The following SEMA5B variants were observed in gnomAD, a reference collection of about 807,000 sequenced individuals.
SEMA5B encodes the protein semaphorin-5B.
SEMA5B carries 66 observed loss-of-function variants against 135.0 expected under a neutral mutation model. That is an observed-to-expected ratio of 0.49 (90% CI 0.40 to 0.60). The LOEUF (loss-of-function observed/expected upper bound fraction) is 0.60. SEMA5B is among the 20% of genes least tolerant of loss of function. SEMA5B has a pLI of 0.00. For missense variants in SEMA5B, 1,501 were observed against 1,566.3 expected (o/e 0.96, Z 0.70); for synonymous variants, 690 against 639.5 (o/e 1.08, Z -1.19).
chr3:123,001,201 T>G (rs1942167004), intron 1 of SEMA5B, among the ~76,000 whole-genome samples: 1 of 152,132 alleles, frequency 6.6e-6, no homozygotes, highest in Non-Finnish European at 1.5e-5. Flanking sequence ...CAGGGGAGTC[T>G]GAATGTGGGA....
In SEMA5B at chr3:122,923,656, A is replaced by T. The variant is rs913152595; in HGVS notation, c.1233T>A (p.Ala411=). 3 of 1,614,118 alleles carry T rather than the reference A, an allele frequency of 1.9e-6. No individual in the cohort carries two copies. The highest frequency in any genetic ancestry group is 2.5e-6 in the Non-Finnish European group (3 of 1,179,960). ...GPFRYQENPR[A]AWLPIANPIP... Reference sequence around the variant, plus strand: ...TGGGGTTGGCTATGGGGAGCCAGGCAGCCCTGGGGTTCTCCTGGTAGCGAA... The same window carrying T: ...TGGGGTTGGCTATGGGGAGCCAGGCTGCCCTGGGGTTCTCCTGGTAGCGAA... The change falls in exon 10 of 23, where the codon GCT becomes GCA. Residue 411 remains alanine, a synonymous_variant. Transcript: ENST00000357599.
At chr3:123,022,781 A>C (rs1339328353) in intron 1 of SEMA5B, among the ~76,000 whole-genome samples, 1 of 152,252 alleles carries the variant, frequency 6.6e-6, no homozygotes, top group Admixed American at 6.5e-5. Context: ...TTCATCTCTC[A>C]TGCTCACTAA....
At chr3:123,001,743 A>G (rs1018318556) in intron 1 of SEMA5B, among the ~76,000 whole-genome samples, 4 of 152,202 alleles carry the variant, frequency 2.6e-5, no homozygotes, top group Admixed American at 2.0e-4. Flanking sequence ...TAGCCAGGCA[A>G]GGTACTTAGT....
At chr3:122,957,453 C>A (rs569603686) in intron 2 of SEMA5B, among the ~76,000 whole-genome samples, 7 of 152,230 alleles carry the variant, frequency 4.6e-5, no homozygotes, top group African/African-American at 1.7e-4. Flanking sequence ...CAGGCAGGAG[C>A]AGCACGGCCA....
chr3:122,997,870 C>T (rs542633496), intron 1 of SEMA5B, among the ~76,000 whole-genome samples: 21 of 152,306 alleles, frequency 1.4e-4, no homozygotes, highest in African/African-American at 5.1e-4. Context: ...GGCCTCTCTC[C>T]TCGCTGGGTC....
intron 5 of SEMA5B, among the ~76,000 whole-genome samples, chr3:122,935,363 C>A (rs1458225160): frequency 1.3e-5 from 2 of 150,826 alleles, no homozygotes; most frequent in Admixed American, 1.3e-4. Flanking sequence ...TCTGATCACA[C>A]CCCATCAGTG....
intron 1 of SEMA5B, among the ~76,000 whole-genome samples, chr3:123,021,128 A>G (rs1359881813): frequency 6.6e-6 from 1 of 152,240 alleles, no homozygotes. Context: ...CCAAACACTG[A>G]AAGTCCAGGC....
At chr3:122,986,621 G>GTC (rs1941706099) in intron 1 of SEMA5B, among the ~76,000 whole-genome samples, 1 of 151,510 alleles carries the variant, frequency 6.6e-6, no homozygotes, top group Non-Finnish European at 1.5e-5. Context: ...GTGTGTGTGT[G>GTC]TGTGGTGTGT....
chr3:123,009,186 A>T (rs1284072811), intron 1 of SEMA5B, among the ~76,000 whole-genome samples: 2 of 152,028 alleles, frequency 1.3e-5, no homozygotes, highest in Admixed American at 1.3e-4. Context: ...GACTCCTATC[A>T]ATGCACCCAC....
intron 2 of SEMA5B, among the ~76,000 whole-genome samples, chr3:122,954,158 C>T (rs1341622178): frequency 1.3e-5 from 2 of 152,228 alleles, no homozygotes; most frequent in African/African-American, 4.8e-5. Context: ...CTGCTGGCCT[C>T]AAGTAATCCC....
At position 122,943,492 on chromosome 3, in the gene SEMA5B, C is replaced by A. The variant is rs376753328; in HGVS notation, c.372G>T (p.Arg124=). The change falls in exon 4 of 23, where the codon CGG becomes CGT. Residue 124 remains arginine (R), a synonymous_variant. Coordinates refer to ENST00000357599, the MANE Select transcript of SEMA5B (RefSeq NM_001031702.4). ...GGTCCAAAGCCAGCTGGGAGAAATC[C>A]CGGGCTCCAGGGTAGGTGAAGTTAG... ...WVSNFTYPGA[R]DFSQLALDPS... The A allele has an allele frequency of 1.1e-5, 18 of 1,610,304 alleles. No homozygotes were observed. In the African/African-American group the frequency reaches 2.1e-4, roughly 19 times the overall value.
chr3:123,015,638 G>A (rs987300540), intron 1 of SEMA5B, among the ~76,000 whole-genome samples: 3 of 152,314 alleles, frequency 2.0e-5, no homozygotes, highest in South Asian at 4.1e-4. Context: ...CAGCCACAGC[G>A]AGAAGAGATG....
chr3:122,934,401 A>G (rs938818241), intron 5 of SEMA5B, among the ~76,000 whole-genome samples: 2 of 152,216 alleles, frequency 1.3e-5, no homozygotes, highest in African/African-American at 2.4e-5. Flanking sequence ...TGAAGTTTTT[A>G]GCTCTAACAA....
At chr3:123,005,933 C>G (rs1490737396) in intron 1 of SEMA5B, among the ~76,000 whole-genome samples, 1 of 152,238 alleles carries the variant, frequency 6.6e-6, no homozygotes, top group Non-Finnish European at 1.5e-5. Flanking sequence ...AGGCTCTTCT[C>G]ATTCTGGCTT....
chr3:122,927,422 G>A (rs1044810887), intron 8 of SEMA5B, among the ~76,000 whole-genome samples: 2 of 152,116 alleles, frequency 1.3e-5, no homozygotes, highest in Non-Finnish European at 2.9e-5. Context: ...CCAACTCCTG[G>A]CCTCAAGAGA....
intron 2 of SEMA5B, among the ~76,000 whole-genome samples, chr3:122,955,552 C>A (rs1266938300): frequency 1.3e-5 from 2 of 152,196 alleles, no homozygotes; most frequent in African/African-American, 4.8e-5. Flanking sequence ...TCTAACACGT[C>A]TGTCTGATTT....
intron 1 of SEMA5B, among the ~76,000 whole-genome samples, chr3:123,024,441 G>A (rs1379683819): frequency 6.6e-6 from 1 of 152,160 alleles, no homozygotes; most frequent in African/African-American, 2.4e-5. Context: ...AAAAGTTATG[G>A]TTGAATTTTC....
intron 1 of SEMA5B, among the ~76,000 whole-genome samples, chr3:122,976,629 A>T (rs1433426171): frequency 6.6e-6 from 1 of 152,226 alleles, no homozygotes; most frequent in Admixed American, 6.5e-5. Context: ...TTCTGTCACC[A>T]ACATTCTGCT....
chr3:122,994,950 G>A (rs1445393215), intron 1 of SEMA5B, among the ~76,000 whole-genome samples: 1 of 152,174 alleles, frequency 6.6e-6, no homozygotes, highest in South Asian at 2.1e-4. Flanking sequence ...TGGGAAGGAG[G>A]CCTCCAGGTG....
Sources: gnomAD v4.1 joint callset for allele counts (sites outside exome capture counted in the v4.1 genomes callset) on GRCh38, gnomAD v4.1.1 for gene constraint, MANE v1.5 for transcripts, NCBI Gene and HGNC (gene_info 2026-07-23, HGNC 2026-07-21) for gene names.